The following OAS1 variants were observed in gnomAD, a reference collection of about 807,000 sequenced individuals.
OAS1 encodes the protein 2'-5'-oligoadenylate synthetase 1.
Under a neutral mutation model 38.5 loss-of-function variants are expected in OAS1, and 24 were observed. The ratio of observed to expected loss-of-function variants is 0.62; its 90% CI spans 0.45 to 0.88. The LOEUF (loss-of-function observed/expected upper bound fraction) is 0.88. Among genes scored for constraint, OAS1 ranks in the 40% least tolerant of loss-of-function variants. The pLI is 0.00. For synonymous variants in OAS1, 169 were observed against 193.9 expected (o/e 0.87, Z 1.07); for missense variants, 482 against 493.9 (o/e 0.98, Z 0.23).
At chr12:112,916,874 A>T (rs2043468248) in intron 4 of OAS1, 136 bp downstream of exon 4, 2 of 682,766 alleles carry the variant, frequency 2.9e-6, no homozygotes, top group Non-Finnish European at 5.2e-6. Context: ...TGTACTGGGC[A>T]TTTTACTACT....
At position 112,916,829 on chromosome 12, in the gene OAS1, T is replaced by C. The variant is rs1369583757; in HGVS notation, c.884+91T>C. On this transcript the variant is annotated intron_variant, in intron 4 of 5. Coordinates refer to ENST00000202917, the MANE Select transcript of OAS1 (RefSeq NM_016816.4). ...TTGGAAATGGAGGAGGTGGGAGGGCTCCCCACTTAGTGAGAATCTCCTGTT... is the reference window on the plus strand; with the variant it reads ...TTGGAAATGGAGGAGGTGGGAGGGCCCCCCACTTAGTGAGAATCTCCTGTT... The C allele has an allele frequency of 4.2e-6, 4 of 955,938 alleles. No homozygotes were observed. The East Asian group carries it at 9.7e-5, about 23-fold the overall frequency. 59.2% of individuals were successfully genotyped at this position (955,938 alleles called of 1,614,324 possible).
Position 112,916,628 on chromosome 12 carries a change from C to T in OAS1, c.774C>T (p.Val258=), listed in dbSNP as rs759355114. ...HFNTAQGFRT[V]LELVINYQQL... ...ACACAGCCCAGGGATTTCGGACGGT[C>T]TTGGAATTAGTCATAAACTACCAGC... The change falls in exon 4 of 6, where the codon GTC becomes GTT. Residue 258 remains valine (V), a synonymous_variant. Transcript: ENST00000202917. 3 of 1,614,042 alleles carry T rather than the reference C, an allele frequency of 1.9e-6. No individual in the cohort carries two copies. The African/African-American group carries it at 4.0e-5, about 22-fold the overall frequency.
At chr12:112,920,059 T>C (rs758586420), downstream of OAS1, among the ~76,000 whole-genome samples, 1 of 152,170 alleles carries the variant, frequency 6.6e-6, no homozygotes, top group Non-Finnish European at 1.5e-5. Flanking sequence ...AATATAGCAA[T>C]GCACAAAAGC....
At chr12:112,927,196 G>A (rs1167460770) in intron 6 of OAS1, among the ~76,000 whole-genome samples, 1 of 152,236 alleles carries the variant, frequency 6.6e-6, no homozygotes, top group African/African-American at 2.4e-5. Context: ...AGCTTATGAA[G>A]ATGACAGGAT....
chr12:112,919,379 A>C lies in OAS1; in HGVS notation c.1039-10A>C. 1 of 1,607,732 alleles carries C rather than the reference A, an allele frequency of 6.2e-7. No individual in the cohort carries two copies. Among genetic ancestry groups the C allele is most frequent in the Non-Finnish European group, 8.5e-7 (1 of 1,175,598 alleles). ...ACTCCCTGATGTGATCATGTGTCTC[A>C]CCCTTTCAGGCTGAAAGCAACAGTG... On this transcript the variant is annotated splice_polypyrimidine_tract_variant and intron_variant, in intron 5 of 5. Coordinates refer to ENST00000202917, the MANE Select transcript of OAS1 (RefSeq NM_016816.4).
chr12:112,924,400 C>T (rs1379614004), downstream of OAS1, among the ~76,000 whole-genome samples: 3 of 151,890 alleles, frequency 2.0e-5, no homozygotes, highest in African/African-American at 4.8e-5. Context: ...GAAGCTCCTC[C>T]CAAAATATGG....
chr12:112,923,860 A>C (rs899536515), downstream of OAS1, among the ~76,000 whole-genome samples: 2 of 151,474 alleles, frequency 1.3e-5, no homozygotes, highest in East Asian at 3.9e-4. Flanking sequence ...GAATGTCCAC[A>C]TGCAAAAGAA....
intron 3 of OAS1, among the ~76,000 whole-genome samples, chr12:112,913,550 AT>A (rs2043414528): frequency 6.6e-6 from 1 of 151,516 alleles, no homozygotes; most frequent in Non-Finnish European, 1.5e-5. Flanking sequence ...CCTTTTGTCT[AT>A]TTTTCCATGC....
chr12:112,908,610 C>T lies in OAS1; in HGVS notation c.255C>T (p.Leu85=). ...ACCTGGTTGTCTTCCTCAGTCCTCTCACCACTTTTCAGGATCAGTTAAATC... is the reference window on the plus strand; with the variant it reads ...ACCTGGTTGTCTTCCTCAGTCCTCTTACCACTTTTCAGGATCAGTTAAATC... ...DADLVVFLSP[L]TTFQDQLNRR... Residue 85 remains leucine, a synonymous_variant, in exon 2 of 6, where the codon CTC becomes CTT. Transcript: ENST00000202917. 1.2e-6 allele frequency: 2 copies of T among 1,614,238 alleles called. No homozygotes were observed. Among genetic ancestry groups the T allele is most frequent in the Non-Finnish European group, 1.7e-6 (2 of 1,180,046 alleles).
intron 3 of OAS1, among the ~76,000 whole-genome samples, chr12:112,914,008 C>T (rs1410023057): frequency 6.6e-6 from 1 of 151,924 alleles, no homozygotes; most frequent in African/African-American, 2.4e-5. Context: ...TGAATAAGTT[C>T]TTTAGTGGTG....
downstream of OAS1, among the ~76,000 whole-genome samples, chr12:112,922,374 G>T (rs1294461188): frequency 6.6e-6 from 1 of 152,042 alleles, no homozygotes; most frequent in African/African-American, 2.4e-5. Flanking sequence ...TCTTCTAATG[G>T]TATAAATTGA....
intron 6 of OAS1, among the ~76,000 whole-genome samples, chr12:112,931,077 T>C (rs554302739): frequency 1.6e-4 from 25 of 152,336 alleles, no homozygotes; most frequent in African/African-American, 6.0e-4. Flanking sequence ...CCACACACCA[T>C]AAAGAGAGGC....
chr12:112,910,858 G>A (rs1258560066), intron 2 of OAS1, among the ~76,000 whole-genome samples, 193 bp from the exon 3 acceptor site: 1 of 152,122 alleles, frequency 6.6e-6, no homozygotes, highest in Non-Finnish European at 1.5e-5. Flanking sequence ...GCGAGTGACG[G>A]TGGTGGCTTG....
downstream of OAS1, among the ~76,000 whole-genome samples, chr12:112,923,466 G>C (rs2043542289): frequency 1.3e-5 from 2 of 152,142 alleles, no homozygotes; most frequent in African/African-American, 4.8e-5. Context: ...GATAATTAGT[G>C]ATATTGAGTA....
At chr12:112,919,202 G>A in intron 5 of OAS1, 187 bp from the exon 6 acceptor site, 1 of 588,046 alleles carries the variant, frequency 1.7e-6, no homozygotes, top group East Asian at 3.0e-5. Flanking sequence ...CTGCAGCTGA[G>A]GCAACCCCTA....
exon 7 of OAS1, chr12:112,932,057 C>A: frequency 1.6e-6 from 1 of 628,862 alleles, no homozygotes; most frequent in East Asian, 2.9e-5. Context: ...TAATTGCAAC[C>A]CAACCTCTCT....
chr12:112,919,502 G>A lies in OAS1; in HGVS notation c.1152G>A (p.Gln384=), dbSNP rs11836381. 2,950 of 1,614,188 alleles carry A rather than the reference G, an allele frequency of 1.8e-3. 52 individuals are homozygous for A. The African/African-American group carries it at 0.035, about 19-fold the overall frequency. The change falls in exon 6 of 6, where the codon CAG becomes CAA. Residue 384 remains glutamine (Q), a synonymous_variant. Coordinates refer to ENST00000202917, the MANE Select transcript of OAS1 (RefSeq NM_016816.4). ...TCTCTCATAGACCCAGCACACTCCA[G>A]GCAGCATCCACCCCACAGGCAGAAG... The part of the protein sequence containing the change: ...PHFSHRPSTL[Q]AASTPQAEED...
At chr12:112,923,096 G>A (rs1356896106), downstream of OAS1, among the ~76,000 whole-genome samples, 1 of 152,180 alleles carries the variant, frequency 6.6e-6, no homozygotes, top group African/African-American at 2.4e-5. Flanking sequence ...TTAACTGTGT[G>A]CACTGTATAC....
At chr12:112,912,272 G>A (rs2043394090) in intron 3 of OAS1, among the ~76,000 whole-genome samples, 1 of 152,100 alleles carries the variant, frequency 6.6e-6, no homozygotes, top group South Asian at 2.1e-4. Context: ...CCTGGGAGGA[G>A]GAGGTTGCAG....
Sources: gnomAD v4.1 joint callset for allele counts (sites outside exome capture counted in the v4.1 genomes callset) on GRCh38, gnomAD v4.1.1 for gene constraint, MANE v1.5 for transcripts, NCBI Gene and HGNC (gene_info 2026-07-23, HGNC 2026-07-21) for gene names.